The following NBAS variants were observed in gnomAD, a reference collection of about 807,000 sequenced individuals.
NBAS encodes NBAS subunit of NRZ tethering complex.
Under a neutral mutation model 302.5 loss-of-function variants are expected in NBAS, and 219 were observed. The ratio of observed to expected loss-of-function variants is 0.72; its 90% CI spans 0.65 to 0.81. The LOEUF is 0.81. Ranked by LOEUF, NBAS falls within the 30% of genes least tolerant of loss-of-function variation. The pLI, the probability that NBAS is intolerant of heterozygous loss-of-function variation, is 0.00. For missense variants in NBAS, 2,932 were observed against 2,841.6 expected (o/e 1.03, Z -0.72); for synonymous variants, 1,118 against 1,021.6 (o/e 1.09, Z -1.80).
chr2:14,934,028 G>C, the NBAS span, among the ~76,000 whole-genome samples: 1 of 152,072 alleles, frequency 6.6e-6, no homozygotes, highest in Non-Finnish European at 1.5e-5. Context: ...AGTGTAATGT[G>C]CTTTGGTGAT....
the NBAS span, among the ~76,000 whole-genome samples, chr2:14,788,286 G>T: frequency 1.3e-5 from 2 of 152,142 alleles, no homozygotes; most frequent in South Asian, 4.1e-4. Context: ...TGTAGCCGGA[G>T]TAGTTTGATT....
At chr2:15,147,210 G>C in the NBAS span, among the ~76,000 whole-genome samples, 1 of 152,130 alleles carries the variant, frequency 6.6e-6, no homozygotes, top group Non-Finnish European at 1.5e-5. Context: ...TAGGAATGGA[G>C]GCTGGTGCAG....
the NBAS span, among the ~76,000 whole-genome samples, chr2:15,042,606 A>G: frequency 6.6e-6 from 1 of 152,168 alleles, no homozygotes; most frequent in Non-Finnish European, 1.5e-5. Flanking sequence ...AAACTAGCAT[A>G]TTCCCTGTGT....
At chr2:15,233,178 C>T (rs970274544) in intron 46 of NBAS, among the ~76,000 whole-genome samples, 1 of 152,144 alleles carries the variant, frequency 6.6e-6, no homozygotes, top group African/African-American at 2.4e-5. Flanking sequence ...GTTATGAACA[C>T]TGTCAATAAA....
At chr2:14,843,089 T>C in the NBAS span, among the ~76,000 whole-genome samples, 1 of 152,024 alleles carries the variant, frequency 6.6e-6, no homozygotes, top group Non-Finnish European at 1.5e-5. Context: ...CCACAGATAA[T>C]GAAAAAAGCA....
chr2:15,108,811 G>A, the NBAS span, among the ~76,000 whole-genome samples: 1 of 152,022 alleles, frequency 6.6e-6, no homozygotes, highest in African/African-American at 2.4e-5. Context: ...TCTGAGAAAG[G>A]GTTTTTACGT....
At chr2:15,127,897 T>A in the NBAS span, among the ~76,000 whole-genome samples, 1 of 152,172 alleles carries the variant, frequency 6.6e-6, no homozygotes, top group Non-Finnish European at 1.5e-5. Context: ...ACATGAGCAA[T>A]GTAGGGCGAC....
chr2:15,212,076 T>C (rs1451958193), intron 48 of NBAS, among the ~76,000 whole-genome samples: 1 of 152,234 alleles, frequency 6.6e-6, no homozygotes, highest in Non-Finnish European at 1.5e-5. Context: ...AAATAAGTTC[T>C]TTTCTAAGCC....
chr2:14,982,822 C>A, the NBAS span, among the ~76,000 whole-genome samples: 1 of 151,934 alleles, frequency 6.6e-6, no homozygotes, highest in Admixed American at 6.6e-5. Context: ...AAGGTAAATG[C>A]TGATGAATTA....
the NBAS span, among the ~76,000 whole-genome samples, chr2:15,026,113 T>C: frequency 1.1e-4 from 17 of 151,994 alleles, no homozygotes; most frequent in African/African-American, 4.1e-4. Flanking sequence ...GTTCCTTTGA[T>C]GCCTAGTTTA....
chr2:14,860,927 T>C, the NBAS span, among the ~76,000 whole-genome samples: 1 of 152,190 alleles, frequency 6.6e-6, no homozygotes, highest in Non-Finnish European at 1.5e-5. Flanking sequence ...CGTTACAAAT[T>C]AGATTAATGT....
At chr2:15,415,863 C>T in intron 24 of NBAS, 144 bp from the exon 25 acceptor site, 2 of 835,684 alleles carry the variant, frequency 2.4e-6, no homozygotes, top group Non-Finnish European at 4.0e-6. Context: ...ACACACAGTC[C>T]AGTTCACCAC....
At position 15,194,200 on chromosome 2, in the gene NBAS, C is replaced by G. The variant is rs185923763; in HGVS notation, c.6433-3797G>C. Reference sequence around the variant, plus strand: ...GGTAGAAGACACAAACCCACACATTCAAGAAGCTAAATTATTCCCAAACAG... The same window carrying G: ...GGTAGAAGACACAAACCCACACATTGAAGAAGCTAAATTATTCCCAAACAG... On this transcript the variant is annotated intron_variant, in intron 48 of 51. Coordinates refer to ENST00000281513, the MANE Select transcript of NBAS (RefSeq NM_015909.4). Among the ~76,000 whole-genome samples the G allele has an allele frequency of 2.7e-4, 41 of 152,196 alleles. 1 individual carries two copies. The highest frequency in any genetic ancestry group is 5.3e-4 in the Non-Finnish European group (36 of 67,994).
the NBAS span, among the ~76,000 whole-genome samples, chr2:15,059,974 A>ACTC: frequency 2.3e-5 from 1 of 44,304 alleles, no homozygotes; most frequent in Non-Finnish European, 3.8e-5. Context: ...CAAAAAAAAA[A>ACTC]ACAAAAAAAA....
intron 21 of NBAS, among the ~76,000 whole-genome samples, chr2:15,434,198 A>C (rs1447842289): frequency 1.3e-5 from 2 of 152,178 alleles, no homozygotes; most frequent in African/African-American, 4.8e-5. Flanking sequence ...GCTCTATACA[A>C]GATGATTAAT....
chr2:14,862,138 A>C, the NBAS span, among the ~76,000 whole-genome samples: 1 of 140,408 alleles, frequency 7.1e-6, no homozygotes, highest in Admixed American at 6.7e-5. Context: ...AGATTTATTT[A>C]AGCATTTTTT....
the NBAS span, among the ~76,000 whole-genome samples, chr2:15,035,839 G>T: frequency 6.6e-6 from 1 of 152,012 alleles, no homozygotes; most frequent in Non-Finnish European, 1.5e-5. Context: ...AGGCCTGTCC[G>T]GGGTGGGAGA....
chr2:14,807,292 A>C, the NBAS span, among the ~76,000 whole-genome samples: 1 of 152,210 alleles, frequency 6.6e-6, no homozygotes, highest in Non-Finnish European at 1.5e-5. Context: ...ATTTCTATTT[A>C]TTATGGAGCC....
At chr2:15,205,480 A>AC (rs1244611558) in intron 48 of NBAS, among the ~76,000 whole-genome samples, 1 of 151,532 alleles carries the variant, frequency 6.6e-6, no homozygotes, top group East Asian at 1.9e-4. Context: ...GAATAAATTA[A>AC]AAAAAAAACC....
Sources: allele counts gnomAD v4.1 joint callset (sites outside exome capture counted in the v4.1 genomes callset), GRCh38; gene constraint gnomAD v4.1.1; transcripts MANE v1.5; gene names NCBI Gene and HGNC (gene_info 2026-07-23, HGNC 2026-07-21).